The following LMNTD1 variants were observed in gnomAD, a reference collection of about 807,000 sequenced individuals.
The protein encoded by LMNTD1 is lamin tail domain-containing protein 1.
LMNTD1 carries 35 observed loss-of-function variants against 50.9 expected under a neutral mutation model. That is an observed-to-expected ratio of 0.69 (90% confidence interval 0.53 to 0.91). LMNTD1 has a LOEUF of 0.91. LMNTD1 is among the 40% of genes least tolerant of loss of function. The pLI is 0.00. For missense variants in LMNTD1, 470 were observed against 475.5 expected (o/e 0.99, Z 0.11); for synonymous variants, 153 against 161.9 (o/e 0.94, Z 0.42).
chr12:25,562,122 T>C (rs996597386), intron 1 of LMNTD1, among the ~76,000 whole-genome samples: 3 of 152,220 alleles, frequency 2.0e-5, no homozygotes, highest in African/African-American at 7.2e-5. Flanking sequence ...AATTGGAACA[T>C]TTAGCCCATT....
intron 1 of LMNTD1, among the ~76,000 whole-genome samples, chr12:25,558,789 A>G (rs1944149602): frequency 6.6e-6 from 1 of 152,148 alleles, no homozygotes; most frequent in Non-Finnish European, 1.5e-5. Flanking sequence ...CTTAGTCACT[A>G]TCATAAGAAC....
chr12:25,588,660 T>C (rs1002841240), intron 1 of LMNTD1, among the ~76,000 whole-genome samples: 2 of 151,896 alleles, frequency 1.3e-5, no homozygotes, highest in African/African-American at 2.4e-5. Flanking sequence ...AAACGTGGGG[T>C]TTCTGAGGTC....
chr12:25,506,969 T>G (rs1939834902), intron 8 of LMNTD1, among the ~76,000 whole-genome samples: 1 of 152,046 alleles, frequency 6.6e-6, no homozygotes, highest in Admixed American at 6.6e-5. Flanking sequence ...AACCTCCACC[T>G]CCCGGGTTCA....
intron 1 of LMNTD1, among the ~76,000 whole-genome samples, chr12:25,593,751 A>C (rs545280240): frequency 6.6e-6 from 1 of 152,238 alleles, no homozygotes; most frequent in Non-Finnish European, 1.5e-5. Flanking sequence ...TTAATTATTA[A>C]GTTAATCAGG....
chr12:25,590,946 C>G (rs1945678136), intron 1 of LMNTD1, among the ~76,000 whole-genome samples: 3 of 151,986 alleles, frequency 2.0e-5, no homozygotes, highest in Admixed American at 2.0e-4. Flanking sequence ...TGTTGAGGGC[C>G]TTGAGTAAGA....
intron 1 of LMNTD1, among the ~76,000 whole-genome samples, chr12:25,634,481 C>T (rs1861793663): frequency 6.6e-6 from 1 of 152,174 alleles, no homozygotes; most frequent in African/African-American, 2.4e-5. Flanking sequence ...GATAATCCAA[C>T]ATTATCAAGT....
rs118038819 is a variant in LMNTD1, at chr12:25,552,870, C to T, written c.89+1G>A. 5.8e-3 allele frequency: 8,797 copies of T among 1,522,900 alleles called. 40 individuals carry two copies. The highest frequency in any genetic ancestry group is 6.7e-3 in the Non-Finnish European group (7,555 of 1,120,758). 94.3% of individuals were successfully genotyped at this position (1,522,900 alleles called of 1,614,324 possible). A position where few individuals can be genotyped will look rare whatever the true frequency, so the allele number is the denominator to read the frequency against. On this transcript the variant is annotated splice_donor_variant, in intron 2 of 9. Coordinates refer to ENST00000458174, the MANE Select transcript of LMNTD1 (RefSeq NM_001145728.2). LOFTEE classifies it high-confidence loss of function. ...CTTCCATCGCATCTATGCATGCTCA[C>T]TGTTTTTGTTTCTCATTCTTATCTT...
At chr12:25,645,758 T>A (rs1947056602) in intron 1 of LMNTD1, among the ~76,000 whole-genome samples, 1 of 152,228 alleles carries the variant, frequency 6.6e-6, no homozygotes, top group Non-Finnish European at 1.5e-5. Flanking sequence ...CATTTCAGTT[T>A]GTCCTTTTAA....
intron 1 of LMNTD1, among the ~76,000 whole-genome samples, chr12:25,567,534 C>A (rs1419023435): frequency 6.6e-6 from 1 of 152,066 alleles, no homozygotes; most frequent in African/African-American, 2.4e-5. Flanking sequence ...ATTGTAATCC[C>A]CAGTGTGGAT....
At chr12:25,631,120 C>A (rs894228254) in intron 1 of LMNTD1, among the ~76,000 whole-genome samples, 3 of 152,112 alleles carry the variant, frequency 2.0e-5, no homozygotes, top group Non-Finnish European at 4.4e-5. Context: ...GGGGACCTCA[C>A]CCCCATCCCC....
intron 1 of LMNTD1, among the ~76,000 whole-genome samples, chr12:25,631,355 T>C (rs1216265293): frequency 2.6e-5 from 4 of 152,248 alleles, no homozygotes; most frequent in South Asian, 4.1e-4. Context: ...AAATAGAGCA[T>C]TAAACCACCA....
At chr12:25,489,685 A>G (rs1938822073) in intron 9 of LMNTD1, among the ~76,000 whole-genome samples, 1 of 152,144 alleles carries the variant, frequency 6.6e-6, no homozygotes, top group Admixed American at 6.6e-5. Context: ...TTAAGTAGTT[A>G]TGAAGAAACT....
chr12:25,561,131 T>C (rs1261546730), intron 1 of LMNTD1, among the ~76,000 whole-genome samples: 1 of 152,202 alleles, frequency 6.6e-6, no homozygotes, highest in African/African-American at 2.4e-5. Flanking sequence ...GTTTTTTGTG[T>C]CTCTATCTCC....
intron 1 of LMNTD1, among the ~76,000 whole-genome samples, chr12:25,570,896 A>G (rs1370063974): frequency 2.0e-5 from 3 of 152,226 alleles, no homozygotes; most frequent in African/African-American, 7.2e-5. Context: ...TTGTTAGTTC[A>G]GTAGGAGTAA....
At chr12:25,481,865 T>TCTCACA (rs1555206617) in intron 9 of LMNTD1, among the ~76,000 whole-genome samples, 18 of 132,612 alleles carry the variant, frequency 1.4e-4, no homozygotes, top group Non-Finnish European at 2.2e-4. Flanking sequence ...TATTGCCTCT[T>TCTCACA]CACACACACA....
rs544616306 is a variant in LMNTD1 at position 25,487,080 on chromosome 12, T to C, written c.*23-10620A>G. 3.5e-3 allele frequency among the ~76,000 whole-genome samples: 522 copies of C among 149,560 alleles called. 6 individuals carry two copies. Among genetic ancestry groups the C allele is most frequent in the African/African-American group, 0.012 (497 of 40,456 alleles). On this transcript the variant is annotated intron_variant, in intron 9 of 9. Transcript: ENST00000458174. ...TATGTGGTCAATTTTGGAATAGGTGTGGTGTGGTGCTGAAAAAAATGTACA... is the reference window on the plus strand; with the variant it reads ...TATGTGGTCAATTTTGGAATAGGTGCGGTGTGGTGCTGAAAAAAATGTACA...
chr12:25,634,330 T>A (rs1004874800), intron 1 of LMNTD1, among the ~76,000 whole-genome samples: 1 of 152,264 alleles, frequency 6.6e-6, no homozygotes, highest in Non-Finnish European at 1.5e-5. Context: ...CCCTAATTCA[T>A]TCTATGAAGC....
chr12:25,590,297 T>G (rs894939848), intron 1 of LMNTD1, among the ~76,000 whole-genome samples: 1 of 151,926 alleles, frequency 6.6e-6, no homozygotes, highest in African/African-American at 2.4e-5. Flanking sequence ...GCTGCCTTAT[T>G]ATAACAGAAA....
chr12:25,610,944 C>T (rs1004797106), intron 1 of LMNTD1, among the ~76,000 whole-genome samples: 1 of 152,174 alleles, frequency 6.6e-6, no homozygotes, highest in African/African-American at 2.4e-5. Context: ...CTTCAACAGT[C>T]ACAACTGTGG....
Sources: allele counts gnomAD v4.1 joint callset (sites outside exome capture counted in the v4.1 genomes callset), GRCh38; gene constraint gnomAD v4.1.1; transcripts MANE v1.5; gene names NCBI Gene and HGNC (gene_info 2026-07-23, HGNC 2026-07-21).